Variants in GNAQ observed in about 807,000 individuals in gnomAD.
GNAQ encodes G protein subunit alpha q.
In GNAQ, 8 loss-of-function variants were observed where a neutral mutation model predicts 43.9. The ratio of observed to expected loss-of-function variants is 0.18; its 90% CI spans 0.11 to 0.33. The LOEUF is 0.33. GNAQ is among the 10% of genes least tolerant of loss of function. The pLI is 1.00. For missense variants in GNAQ, 158 were observed against 450.8 expected, an observed-to-expected ratio of 0.35 and a Z score of 5.88; for synonymous variants, 155 against 170.7, an observed-to-expected ratio of 0.91 and a Z score of 0.71.
chr9:77,869,340 C>T (rs1248762777), intron 2 of GNAQ, among the ~76,000 whole-genome samples: 1 of 152,118 alleles, frequency 6.6e-6, no homozygotes, highest in East Asian at 1.9e-4. Context: ...GCCCCAACCT[C>T]AGTGCATAAG....
intron 1 of GNAQ, among the ~76,000 whole-genome samples, chr9:78,020,364 T>C (rs1823893323): frequency 6.6e-6 from 1 of 152,190 alleles, no homozygotes; most frequent in African/African-American, 2.4e-5. Context: ...AAATTTTCTT[T>C]ATACTCTGTC....
chr9:77,883,110 G>A (rs889754559), intron 2 of GNAQ, among the ~76,000 whole-genome samples: 35 of 152,170 alleles, frequency 2.3e-4, no homozygotes, highest in African/African-American at 6.8e-4. Context: ...TTTAAGTTAC[G>A]GGGAAAAACA....
At chr9:77,816,248 T>C (rs1296543845) in intron 2 of GNAQ, among the ~76,000 whole-genome samples, 1 of 152,150 alleles carries the variant, frequency 6.6e-6, no homozygotes, top group African/African-American at 2.4e-5. Context: ...GATTAGCTTC[T>C]CTAGTTCACT....
intron 1 of GNAQ, among the ~76,000 whole-genome samples, chr9:77,926,343 T>A (rs1184951140): frequency 1.3e-5 from 2 of 152,172 alleles, no homozygotes; most frequent in Non-Finnish European, 2.9e-5. Flanking sequence ...TACATAAAAT[T>A]ATGTTGTTTC....
At chr9:77,960,475 G>A (rs578139386) in intron 1 of GNAQ, among the ~76,000 whole-genome samples, 26 of 152,164 alleles carry the variant, frequency 1.7e-4, no homozygotes, top group Non-Finnish European at 2.9e-4. Context: ...GCCCTGGAGT[G>A]ATATTACAGA....
At chr9:77,745,336 C>G (rs1386931373) in intron 5 of GNAQ, among the ~76,000 whole-genome samples, 1 of 152,052 alleles carries the variant, frequency 6.6e-6, no homozygotes, top group Admixed American at 6.5e-5. Flanking sequence ...CTAGGAATAC[C>G]AAACCTTTGA....
At chr9:77,774,492 T>C (rs960078409) in intron 5 of GNAQ, among the ~76,000 whole-genome samples, 2 of 152,202 alleles carry the variant, frequency 1.3e-5, no homozygotes, top group African/African-American at 2.4e-5. Context: ...GACAGGTTCT[T>C]GCTCTGTCAC....
chr9:78,001,447 C>T (rs1168128115), intron 1 of GNAQ, among the ~76,000 whole-genome samples: 1 of 151,964 alleles, frequency 6.6e-6, no homozygotes, highest in African/African-American at 2.4e-5. Flanking sequence ...AGTTTGGCTA[C>T]AGCACCAAGA....
chr9:77,967,281 C>T lies in GNAQ; in HGVS notation c.137-44936G>A, dbSNP rs141162649. Among the ~76,000 whole-genome samples, 714 of 152,252 alleles carry T rather than the reference C, an allele frequency of 4.7e-3. 7 individuals are homozygous for T. Among genetic ancestry groups the T allele is most frequent in the African/African-American group, 0.016 (682 of 41,540 alleles). On this transcript the variant is annotated intron_variant, in intron 1 of 6. Coordinates refer to ENST00000286548, the MANE Select transcript of GNAQ (RefSeq NM_002072.5). ...AAGATTCAGTTCCCTCGGTCAGATC[C>T]AACTGTGGCCACTCCGTGCTTTTAA...
intron 5 of GNAQ, among the ~76,000 whole-genome samples, chr9:77,783,172 T>C (rs1363300176): frequency 6.6e-6 from 1 of 152,228 alleles, no homozygotes; most frequent in African/African-American, 2.4e-5. Context: ...TTTCATGAAT[T>C]GTAACAAATT....
chr9:77,861,751 C>T (rs1483511138), intron 2 of GNAQ, among the ~76,000 whole-genome samples: 1 of 152,130 alleles, frequency 6.6e-6, no homozygotes, highest in Non-Finnish European at 1.5e-5. Flanking sequence ...GCCTATAATC[C>T]CCACACTTTG....
intron 5 of GNAQ, among the ~76,000 whole-genome samples, chr9:77,765,860 C>T (rs1826127162): frequency 6.6e-6 from 1 of 152,138 alleles, no homozygotes; most frequent in Non-Finnish European, 1.5e-5. Context: ...ACTGGATAAA[C>T]AAAATGTGGT....
intron 5 of GNAQ, among the ~76,000 whole-genome samples, chr9:77,751,419 A>G (rs999244715): frequency 6.6e-6 from 1 of 152,246 alleles, no homozygotes; most frequent in Non-Finnish European, 1.5e-5. Context: ...CATGGCATGT[A>G]ACCAGTAAAA....
intron 3 of GNAQ, among the ~76,000 whole-genome samples, chr9:77,799,201 A>C (rs1190444775): frequency 6.6e-6 from 1 of 152,192 alleles, no homozygotes; most frequent in African/African-American, 2.4e-5. Context: ...ACACAACTAC[A>C]AAGTATATGC....
chr9:77,994,797 A>G (rs1004296150), intron 1 of GNAQ, among the ~76,000 whole-genome samples: 4 of 152,318 alleles, frequency 2.6e-5, no homozygotes, highest in African/African-American at 4.8e-5. Context: ...TGAAAATTCA[A>G]AACATTCCTA....
chr9:77,949,275 T>C (rs184398523), intron 1 of GNAQ, among the ~76,000 whole-genome samples: 48 of 152,194 alleles, frequency 3.2e-4, no homozygotes, highest in African/African-American at 1.2e-3. Context: ...CAGAGGCAAG[T>C]TCAAGGATGG....
intron 1 of GNAQ, among the ~76,000 whole-genome samples, chr9:77,987,476 A>T (rs1200564218): frequency 6.6e-6 from 1 of 152,206 alleles, no homozygotes; most frequent in Admixed American, 6.5e-5. Flanking sequence ...GGACACCACT[A>T]ATCTAATAGA....
chr9:77,824,676 AAAG>A (rs1191133606), intron 2 of GNAQ, among the ~76,000 whole-genome samples: 1 of 152,200 alleles, frequency 6.6e-6, no homozygotes. Flanking sequence ...AAAATTTTTT[AAAG>A]AAGCAAAAGC....
At chr9:77,849,792 G>A (rs565118998) in intron 2 of GNAQ, among the ~76,000 whole-genome samples, 2 of 152,204 alleles carry the variant, frequency 1.3e-5, no homozygotes, top group East Asian at 3.9e-4. Flanking sequence ...TCAGCCTCCT[G>A]AGTGGCTGGG....
Sources: allele counts gnomAD v4.1 joint callset (sites outside exome capture counted in the v4.1 genomes callset), GRCh38; gene constraint gnomAD v4.1.1; transcripts MANE v1.5; gene names NCBI Gene and HGNC (gene_info 2026-07-23, HGNC 2026-07-21).